ACOT7: variants seen among roughly 807,000 people sequenced by gnomAD.
The protein encoded by ACOT7 is acyl-CoA thioesterase 7.
In ACOT7, 12 loss-of-function variants were observed where a neutral mutation model predicts 40.2. That is an observed-to-expected ratio of 0.30 (90% confidence interval 0.19 to 0.48). ACOT7 has a LOEUF of 0.48. Among genes scored for constraint, ACOT7 ranks in the 20% least tolerant of loss-of-function variants. The pLI is 0.99. For missense variants in ACOT7, 395 were observed against 530.8 expected (o/e 0.74, Z 2.51); for synonymous variants, 228 against 219.5 (o/e 1.04, Z -0.34).
intron 4 of ACOT7, among the ~76,000 whole-genome samples, chr1:6,332,971 A>G (rs66595332): frequency 0.33 from 50,012 of 152,118 alleles, 11,933 homozygotes; most frequent in African/African-American, 0.68. Context: ...TCATATGACA[A>G]CTGTTTCCAC....
chr1:6,302,574 T>C (rs1299113127), intron 6 of ACOT7, among the ~76,000 whole-genome samples: 2 of 152,004 alleles, frequency 1.3e-5, no homozygotes, highest in Non-Finnish European at 2.9e-5. Flanking sequence ...GTCGATCCAG[T>C]GGGCTTGAGA....
intron 1 of ACOT7, among the ~76,000 whole-genome samples, chr1:6,356,554 T>C (rs2148462226): frequency 6.6e-6 from 1 of 152,230 alleles, no homozygotes; most frequent in South Asian, 2.1e-4. Flanking sequence ...CACTGAACCC[T>C]GCCTGCCCCT....
Position 6,294,838 on chromosome 1 carries a change from C to T in ACOT7, c.829+26G>A, listed in dbSNP as rs767355127. On this transcript the variant is annotated intron_variant, in intron 7 of 8. Transcript: ENST00000361521. The surrounding 1 kb of genome is among the most constrained non-coding windows in gnomAD (Gnocchi z 4.6). ...CAAGCAGCCGAGGGCCACTGCCTCC[C>T]TCGTCTTTGCCAGAAGAGTGGTTAC... is the stretch of plus-strand genomic sequence containing the variant. 3.1e-6 allele frequency: 5 copies of T among 1,603,474 alleles called. No homozygotes were observed. Among genetic ancestry groups the T allele is most frequent in the Non-Finnish European group, 4.3e-6 (5 of 1,170,970 alleles).
chr1:6,333,504 G>A lies in ACOT7; in HGVS notation c.483C>T (p.Asp161=), dbSNP rs1290154581. ...CAACAGGAGGCACCTCGAGGACCTT[G>A]TCCACATTCTTCAGCGACAGGGGCA... ...WYVPLSLKNV[D]KVLEVPPVVY... is the part of the protein sequence containing the mutation. Residue 161 remains aspartate (D), a synonymous_variant, in exon 4 of 9, where the codon GAC becomes GAT. Transcript: ENST00000361521. 2 of 1,614,224 alleles carry A rather than the reference G, an allele frequency of 1.2e-6. No homozygotes were observed. Among genetic ancestry groups the A allele is most frequent in the East Asian group, 2.2e-5 (1 of 44,876 alleles).
rs1322986457 is a variant in ACOT7, at chr1:6,264,616, T to G, written c.1094A>C (p.His365Pro). ...GGGAGTCTAGGGCTGAGGCTCCGCG[T>G]GGCCCTGTCGCTTCGCCTTCATCTG... ...YLQMKAKRQG[H>P]AEPQP Residue 365 changes from histidine (H) to proline (P), a missense_variant, in exon 9 of 9, where the codon CAC (histidine) becomes CCC (proline). His to Pro is a moderately conservative substitution (Grantham distance 77). Coordinates refer to ENST00000361521, the MANE Select transcript of ACOT7 (RefSeq NM_007274.4). 2 of 1,612,942 alleles carry G rather than the reference T, an allele frequency of 1.2e-6. No homozygotes were observed. Among genetic ancestry groups the G allele is most frequent in the Admixed American group, 3.3e-5 (2 of 59,998 alleles).
At chr1:6,277,859 G>C (rs1639241003) in intron 8 of ACOT7, among the ~76,000 whole-genome samples, 2 of 152,216 alleles carry the variant, frequency 1.3e-5, no homozygotes, top group Admixed American at 6.5e-5. Context: ...GCCCCAGGGA[G>C]AGCAGGTGAA....
chr1:6,308,225 C>A (rs1382559937), intron 6 of ACOT7, among the ~76,000 whole-genome samples: 1 of 143,338 alleles, frequency 7.0e-6, no homozygotes, highest in Admixed American at 7.1e-5. Flanking sequence ...GAGGGAACCA[C>A]GACCAGGCAG....
In ACOT7 at chr1:6,288,959, G is replaced by A. The variant is rs973875635; in HGVS notation, c.829+5905C>T. On this transcript the variant is annotated intron_variant, in intron 7 of 8. Transcript: ENST00000361521. This position sits in a 1 kb window ranked among gnomAD's most constrained non-coding sequence, Gnocchi z 4.3. Reference sequence around the variant, plus strand: ...CAGGGCCTGGCACTTGGTCAATATCGCATAAAAGGTCACTCTCCCAAGGAG... The same window carrying A: ...CAGGGCCTGGCACTTGGTCAATATCACATAAAAGGTCACTCTCCCAAGGAG... 1.7e-4 allele frequency among the ~76,000 whole-genome samples: 26 copies of A among 152,172 alleles called. No homozygotes were observed. Among genetic ancestry groups the A allele is most frequent in the African/African-American group, 6.3e-4 (26 of 41,444 alleles).
chr1:6,370,846 T>C (rs1245736973), intron 1 of ACOT7, among the ~76,000 whole-genome samples: 1 of 151,448 alleles, frequency 6.6e-6, no homozygotes, highest in Non-Finnish European at 1.5e-5. Flanking sequence ...AGTCTCACTC[T>C]ATTGCCCAGG....
Position 6,362,054 on chromosome 1 carries a change from T to G in ACOT7, c.144-12188A>C, listed in dbSNP as rs1641905040. On this transcript the variant is annotated intron_variant, in intron 1 of 8. Transcript: ENST00000361521. ...TAGGCTGTGAGCATCCCTAAAAACA[T>G]GCTCGAGGTTGTGTCTGGTTTCTAC... 2.6e-5 allele frequency among the ~76,000 whole-genome samples: 4 copies of G among 152,238 alleles called. No individual in the cohort carries two copies. The South Asian group carries it at 8.3e-4, about 32-fold the overall frequency.
In ACOT7 at chr1:6,264,521, G is replaced by T. The variant is rs1638755742; in HGVS notation, c.*76C>A. On this transcript the variant is annotated 3_prime_UTR_variant, in exon 9 of 9. Transcript: ENST00000361521. Reference sequence around the variant, plus strand: ...AATGTGAATTGGGTTTTTGGCCAAGGGGGGAACTTCTAAGTGACTGGACAC... The same window carrying T: ...AATGTGAATTGGGTTTTTGGCCAAGTGGGGAACTTCTAAGTGACTGGACAC... 7.0e-7 allele frequency: 1 copy of T among 1,426,562 alleles called. No individual in the cohort carries two copies. The highest frequency in any genetic ancestry group is 2.4e-5 in the East Asian group (1 of 41,662). The allele number at this position is 1,426,562 out of a possible 1,614,324, so 88.4% of individuals were successfully genotyped here. A position where few individuals can be genotyped will look rare whatever the true frequency, so the allele number is the denominator to read the frequency against.
chr1:6,384,543 T>C (rs774649099), intron 1 of ACOT7, among the ~76,000 whole-genome samples: 6 of 151,898 alleles, frequency 4.0e-5, no homozygotes, highest in Non-Finnish European at 8.8e-5. Context: ...ATAACAAACA[T>C]GGGTGTCTCT....
intron 7 of ACOT7, among the ~76,000 whole-genome samples, chr1:6,292,091 G>A (rs545068172): frequency 6.6e-6 from 1 of 152,352 alleles, no homozygotes; most frequent in Admixed American, 6.5e-5. Context: ...ACGGCCCCTG[G>A]ATGTGACAGA....
intron 6 of ACOT7, 110 bp downstream of exon 6, chr1:6,318,382 A>T: frequency 8.2e-7 from 1 of 1,213,936 alleles, no homozygotes; most frequent in Non-Finnish European, 1.2e-6. Flanking sequence ...GGAAGTTTGT[A>T]CTTCACCAAA....
In ACOT7 at chr1:6,294,220, G is replaced by C. The variant is rs530909482; in HGVS notation, c.829+644C>G. Among the ~76,000 whole-genome samples, 7 of 152,338 alleles carry C rather than the reference G, an allele frequency of 4.6e-5. No homozygotes were observed. The East Asian group carries it at 1.4e-3, about 29-fold the overall frequency. On this transcript the variant is annotated intron_variant, in intron 7 of 8. Coordinates refer to ENST00000361521, the MANE Select transcript of ACOT7 (RefSeq NM_007274.4). The surrounding 1 kb of genome is among the most constrained non-coding windows in gnomAD (Gnocchi z 4.6). Reference sequence around the variant, plus strand: ...ACTGACAAAAATCACCACGTGTCAGGTGCACTTCACTGTACTTCTGCAGAG... The same window carrying C: ...ACTGACAAAAATCACCACGTGTCAGCTGCACTTCACTGTACTTCTGCAGAG...
At chr1:6,393,061 G>T (rs989873138) in intron 1 of ACOT7, among the ~76,000 whole-genome samples, 196 bp downstream of exon 1, 2 of 151,408 alleles carry the variant, frequency 1.3e-5, no homozygotes, top group African/African-American at 4.8e-5. Flanking sequence ...GCGGGCGGGG[G>T]CCGCCCGGCT....
chr1:6,312,379 G>GGAAATGGATACCTCATTCCCCAT (rs1640362869), intron 6 of ACOT7, among the ~76,000 whole-genome samples: 1 of 152,066 alleles, frequency 6.6e-6, no homozygotes, highest in Non-Finnish European at 1.5e-5. Flanking sequence ...AAATGCTTGA[G>GGAAATGGATACCTCATTCCCCAT]GAAATGGATA....
At chr1:6,375,121 C>CA (rs1309731982) in intron 1 of ACOT7, among the ~76,000 whole-genome samples, 1 of 150,766 alleles carries the variant, frequency 6.6e-6, no homozygotes, top group Non-Finnish European at 1.5e-5. Flanking sequence ...ACTAAAAATA[C>CA]AAAAAATTAG....
At chr1:6,369,200 C>T (rs947690115) in intron 1 of ACOT7, among the ~76,000 whole-genome samples, 22 of 151,960 alleles carry the variant, frequency 1.4e-4, no homozygotes, top group Admixed American at 7.9e-4. Context: ...AGGCTGGTCT[C>T]GAACACCTGA....
Sources: allele counts gnomAD v4.1 joint callset (sites outside exome capture counted in the v4.1 genomes callset), GRCh38; gene constraint gnomAD v4.1.1; non-coding constraint Gnocchi (gnomAD v3.1); transcripts MANE v1.5; gene names NCBI Gene and HGNC (gene_info 2026-07-23, HGNC 2026-07-21).